NLGN4Y: variants seen among roughly 807,000 people sequenced by gnomAD.
NLGN4Y encodes neuroligin-4, Y-linked.
Under a neutral mutation model 8.4 loss-of-function variants are expected in NLGN4Y, and 4 were observed. The observed-to-expected ratio is 0.48, with a 90% CI of 0.23 to 1.09. The LOEUF (loss-of-function observed/expected upper bound fraction) is 1.09. Among genes scored for constraint, NLGN4Y ranks in the 50% least tolerant of loss-of-function variants. NLGN4Y has a pLI of 0.19. For missense variants in NLGN4Y, 90 were observed against 192.3 expected (o/e 0.47, Z 3.15); for synonymous variants, 35 against 75.6 (o/e 0.46, Z 2.78).
chrY:14,713,483 G>C, intron 2 of NLGN4Y, among the ~76,000 whole-genome samples: 2 of 33,545 alleles, frequency 6.0e-5, no homozygotes, highest in Admixed American at 2.7e-4. Context: ...TTGTTATAAG[G>C]TCTAGCTGTG....
At chrY:14,809,935 A>G (rs2150587185) in intron 4 of NLGN4Y, among the ~76,000 whole-genome samples, 1 of 33,652 alleles carries the variant, frequency 3.0e-5, no homozygotes, top group South Asian at 6.8e-4. Context: ...ATTTTCATAG[A>G]AAAACCATTC....
intron 2 of NLGN4Y, among the ~76,000 whole-genome samples, chrY:14,700,158 G>T: frequency 3.0e-5 from 1 of 33,450 alleles, no homozygotes; most frequent in Non-Finnish European, 7.4e-5. Flanking sequence ...TAACAATGGA[G>T]GACTGTGTTC....
At chrY:14,760,089 G>T in intron 4 of NLGN4Y, among the ~76,000 whole-genome samples, 1 of 32,971 alleles carries the variant, frequency 3.0e-5, no homozygotes, top group Non-Finnish European at 7.5e-5. Flanking sequence ...GGCCCTTGTG[G>T]TTATTTATCT....
chrY:14,597,015 C>T (rs1225957395), intron 1 of NLGN4Y, among the ~76,000 whole-genome samples: 1 of 32,881 alleles, frequency 3.0e-5, no homozygotes. Flanking sequence ...TGTTACAGCT[C>T]TTAAGGTGGC....
chrY:14,609,046 T>A, intron 1 of NLGN4Y, among the ~76,000 whole-genome samples: 1 of 33,162 alleles, frequency 3.0e-5, no homozygotes. Context: ...TGCTTGTGAT[T>A]TTTGCACATT....
intron 4 of NLGN4Y, among the ~76,000 whole-genome samples, chrY:14,802,093 G>T (rs2043035062): frequency 6.0e-5 from 2 of 33,359 alleles, no homozygotes; most frequent in Admixed American, 2.8e-4. Context: ...TTCCCAGGCT[G>T]TTGGTGCCAT....
chrY:14,619,181 A>T, intron 1 of NLGN4Y, among the ~76,000 whole-genome samples: 1 of 33,467 alleles, frequency 3.0e-5, no homozygotes, highest in Non-Finnish European at 7.4e-5. Flanking sequence ...TGAGTTTGAG[A>T]ATTTAAGGCA....
At chrY:14,701,202 C>CACAA (rs2080847277) in intron 2 of NLGN4Y, among the ~76,000 whole-genome samples, 1 of 30,850 alleles carries the variant, frequency 3.2e-5, no homozygotes, top group Non-Finnish European at 7.8e-5. Context: ...CACGCACACA[C>CACAA]ACACACACAC....
chrY:14,803,764 G>T, intron 4 of NLGN4Y, among the ~76,000 whole-genome samples: 1 of 33,005 alleles, frequency 3.0e-5, no homozygotes, highest in Non-Finnish European at 7.4e-5. Flanking sequence ...AATCCCGGAA[G>T]ATACATCCCC....
chrY:14,751,809 G>T (rs2081042592), intron 4 of NLGN4Y: 1 of 31,124 alleles, frequency 3.2e-5, no homozygotes, highest in Non-Finnish European at 7.6e-5. Context: ...ACAGGTTTGT[G>T]CCACCATGCC....
In NLGN4Y at chrY:14,640,985, G is replaced by A; in HGVS notation, c.472+18394G>A. On this transcript the variant is annotated intron_variant, in intron 2 of 6. Transcript: ENST00000684976. ...ATGAGAGCTACCTGGGGTACATGTT[G>A]AAAATTGATTTATTTGGAGTCCACA... Among the ~76,000 whole-genome samples, 3 of 33,874 alleles carry A rather than the reference G, an allele frequency of 8.9e-5. No homozygotes were observed. The South Asian group carries it at 1.9e-3, about 22-fold the overall frequency. 90.9% of individuals were successfully genotyped at this position (33,874 alleles called of 37,273 possible). A position where few individuals can be genotyped will look rare whatever the true frequency, so the allele number is the denominator to read the frequency against.
intron 1 of NLGN4Y, among the ~76,000 whole-genome samples, chrY:14,595,403 G>A: frequency 3.1e-5 from 1 of 32,779 alleles, no homozygotes; most frequent in African/African-American, 1.2e-4. Flanking sequence ...TAAATTGCAA[G>A]CTTTGCATAG....
At chrY:14,805,408 C>T (rs2043053539) in intron 4 of NLGN4Y, among the ~76,000 whole-genome samples, 1 of 33,062 alleles carries the variant, frequency 3.0e-5, no homozygotes, top group African/African-American at 1.2e-4. Context: ...GTGCTACTGG[C>T]TATTAACGTG....
At chrY:14,600,999 C>T in intron 1 of NLGN4Y, among the ~76,000 whole-genome samples, 1 of 32,301 alleles carries the variant, frequency 3.1e-5, no homozygotes, top group Non-Finnish European at 7.5e-5. Flanking sequence ...TTAACCATCC[C>T]CACTTCTCTA....
chrY:14,624,838 C>T, intron 2 of NLGN4Y, among the ~76,000 whole-genome samples: 3 of 33,274 alleles, frequency 9.0e-5, no homozygotes, highest in Non-Finnish European at 2.2e-4. Flanking sequence ...GAAATGTTGG[C>T]ATCACGCTGA....
At chrY:14,590,722 T>C (rs2080367876) in intron 1 of NLGN4Y, among the ~76,000 whole-genome samples, 1 of 33,177 alleles carries the variant, frequency 3.0e-5, no homozygotes, top group African/African-American at 1.2e-4. Context: ...TATAAGAATT[T>C]GAAAGGCGTT....
chrY:14,816,916 G>C (rs973413118), intron 4 of NLGN4Y, among the ~76,000 whole-genome samples: 3 of 33,692 alleles, frequency 8.9e-5, no homozygotes, highest in African/African-American at 3.5e-4. Context: ...TATCTAAGCA[G>C]GTGGTTATCT....
intron 1 of NLGN4Y, among the ~76,000 whole-genome samples, chrY:14,581,367 AAACC>A (rs2080319519): frequency 6.1e-5 from 2 of 32,622 alleles, no homozygotes; most frequent in South Asian, 1.4e-3. Flanking sequence ...GTAAGGTTAT[AAACC>A]TAAAACCCCT....
At chrY:14,583,035 G>A (rs2150487183) in intron 1 of NLGN4Y, among the ~76,000 whole-genome samples, 1 of 33,123 alleles carries the variant, frequency 3.0e-5, no homozygotes, top group Admixed American at 2.8e-4. Flanking sequence ...CTAAGTCTGG[G>A]GTGGGCTAAT....
Sources: gnomAD v4.1 joint callset for allele counts (sites outside exome capture counted in the v4.1 genomes callset) on GRCh38, gnomAD v4.1.1 for gene constraint, MANE v1.5 for transcripts, NCBI Gene and HGNC (gene_info 2026-07-23, HGNC 2026-07-21) for gene names.